The following SUSD3 variants were observed in gnomAD, a reference collection of about 807,000 sequenced individuals.
The protein encoded by SUSD3 is sushi domain-containing protein 3.
Under a neutral mutation model 20.6 loss-of-function variants are expected in SUSD3, and 18 were observed. The observed-to-expected ratio is 0.87, with a 90% CI of 0.60 to 1.30. SUSD3 has a LOEUF of 1.30. SUSD3 is among the 50% of genes most tolerant of loss of function. SUSD3 has a pLI of 0.00. For synonymous variants in SUSD3, 137 were observed against 141.5 expected, an observed-to-expected ratio of 0.97 and a Z score of 0.23; for missense variants, 306 against 346.9, an observed-to-expected ratio of 0.88 and a Z score of 0.94.
chr9:93,076,921 G>T (rs1269683864), intron 2 of SUSD3, among the ~76,000 whole-genome samples: 4 of 152,236 alleles, frequency 2.6e-5, no homozygotes, highest in African/African-American at 7.2e-5. Context: ...GGGCCAAAGA[G>T]CAGGCCCCAG....
At position 93,079,532 on chromosome 9, in the gene SUSD3, C is replaced by G; in HGVS notation, c.487C>G (p.Leu163Val). The change falls in exon 4 of 5, where the codon CTT (leucine) becomes GTT (valine). Residue 163 changes from leucine to valine, a missense_variant. Transcript: ENST00000375472. Reference sequence around the variant, plus strand: ...CTTGGAGACGGTGCAGGCCGCATACCTTGGCCTCAAGCACTTCAACAAACC... The same window carrying G: ...CTTGGAGACGGTGCAGGCCGCATACGTTGGCCTCAAGCACTTCAACAAACC... ...EDLETVQAAY[L>V]GLKHFNKPVS... is the part of the protein sequence containing the mutation. The G allele has an allele frequency of 1.2e-6, 2 of 1,614,136 alleles. No homozygotes were observed. The highest frequency in any genetic ancestry group is 1.7e-6 in the Non-Finnish European group (2 of 1,179,994).
chr9:93,075,744 C>CCA (rs1482251432), intron 1 of SUSD3, 40 bp from the exon 2 acceptor site: 4 of 175,362 alleles, frequency 2.3e-5, no homozygotes, highest in African/African-American at 1.3e-4. Flanking sequence ...GTGCCCACCC[C>CCA]CCCCCCCCCG....
intron 1 of SUSD3, among the ~76,000 whole-genome samples, chr9:93,071,946 A>G (rs1825927154): frequency 6.6e-6 from 1 of 152,134 alleles, no homozygotes; most frequent in Admixed American, 6.5e-5. Context: ...CTCCCGAAAC[A>G]GTGTGCTGGG....
intron 1 of SUSD3, among the ~76,000 whole-genome samples, chr9:93,066,005 A>G (rs753155794): frequency 6.6e-6 from 1 of 152,186 alleles, no homozygotes; most frequent in Non-Finnish European, 1.5e-5. Context: ...AGGTATGCTC[A>G]GCGTCAGCTG....
intron 1 of SUSD3, among the ~76,000 whole-genome samples, chr9:93,072,289 C>T (rs1302304884): frequency 1.3e-5 from 2 of 152,238 alleles, no homozygotes; most frequent in Non-Finnish European, 2.9e-5. Context: ...CCTGCCTCTG[C>T]ACTCTCGCCC....
chr9:93,067,178 G>A (rs1241248723), intron 1 of SUSD3, among the ~76,000 whole-genome samples: 3 of 152,164 alleles, frequency 2.0e-5, no homozygotes, highest in Non-Finnish European at 2.9e-5. Context: ...CATATGACAT[G>A]TGACCTTTTG....
At chr9:93,066,676 G>A (rs753671818) in intron 1 of SUSD3, among the ~76,000 whole-genome samples, 17 of 152,122 alleles carry the variant, frequency 1.1e-4, no homozygotes, top group Non-Finnish European at 2.4e-4. Context: ...TACATTCACA[G>A]ATATGTGCTA....
At chr9:93,077,413 G>A (rs1826208900) in intron 2 of SUSD3, among the ~76,000 whole-genome samples, 1 of 151,890 alleles carries the variant, frequency 6.6e-6, no homozygotes, top group African/African-American at 2.4e-5. Context: ...AGCCAAGGAG[G>A]CCATCACTCT....
intron 4 of SUSD3, among the ~76,000 whole-genome samples, chr9:93,082,615 C>A (rs1418036215): frequency 6.6e-6 from 1 of 152,186 alleles, no homozygotes; most frequent in Non-Finnish European, 1.5e-5. Flanking sequence ...CCGTGCCTGA[C>A]CCCCTTTCCT....
chr9:93,064,673 A>G (rs1825637765), intron 1 of SUSD3, among the ~76,000 whole-genome samples: 1 of 152,218 alleles, frequency 6.6e-6, no homozygotes. Flanking sequence ...GCTCAGCACA[A>G]CACACGGGCG....
At chr9:93,078,093 C>T (rs1192059646) in intron 3 of SUSD3, 100 bp downstream of exon 3, 2 of 1,506,682 alleles carry the variant, frequency 1.3e-6, no homozygotes, top group East Asian at 2.3e-5. Flanking sequence ...CCGGCACTGC[C>T]CTCAGGGCAC....
chr9:93,082,858 T>TGCTGCC (rs1184877925), intron 4 of SUSD3, among the ~76,000 whole-genome samples: 4 of 152,212 alleles, frequency 2.6e-5, no homozygotes, highest in African/African-American at 4.8e-5. Flanking sequence ...CAGCCACAGC[T>TGCTGCC]GCTGCCGCTG....
At chr9:93,059,150 C>T (rs1010746893) in intron 1 of SUSD3, among the ~76,000 whole-genome samples, 4 of 152,138 alleles carry the variant, frequency 2.6e-5, no homozygotes, top group East Asian at 2.0e-4. Context: ...AGGCTCCGGG[C>T]CCCTCCGCGC....
In SUSD3 at chr9:93,074,770, A is replaced by G. The variant is rs914762649; in HGVS notation, c.89-1014A>G. 5.3e-5 allele frequency among the ~76,000 whole-genome samples: 8 copies of G among 151,840 alleles called. No homozygotes were observed. The South Asian group carries it at 6.2e-4, about 12-fold the overall frequency. ...GCTGGAATTACAGGCACATGCCACC[A>G]TGCCCAGCTAATTTTTGTATTTTTA... On this transcript the variant is annotated intron_variant, in intron 1 of 4. Coordinates refer to ENST00000375472, the MANE Select transcript of SUSD3 (RefSeq NM_145006.4).
At chr9:93,061,703 C>G (rs1173512804) in intron 1 of SUSD3, among the ~76,000 whole-genome samples, 1 of 152,208 alleles carries the variant, frequency 6.6e-6, no homozygotes, top group Non-Finnish European at 1.5e-5. Flanking sequence ...CTGCCAGGGT[C>G]TTGGGGGTCC....
chr9:93,084,522 C>T lies in SUSD3; in HGVS notation c.558-15C>T. Reference sequence around the variant, plus strand: ...TCCACACTCTTTTGCCAACTCATGCCTCCTCTCTCCACAGAGACCATGGTG... The same window carrying T: ...TCCACACTCTTTTGCCAACTCATGCTTCCTCTCTCCACAGAGACCATGGTG... On this transcript the variant is annotated splice_polypyrimidine_tract_variant and intron_variant, in intron 4 of 4. Transcript: ENST00000375472. 6.4e-7 allele frequency: 1 copy of T among 1,564,572 alleles called. No homozygotes were observed. Among genetic ancestry groups the T allele is most frequent in the Middle Eastern group, 1.7e-4 (1 of 5,852 alleles).
intron 1 of SUSD3, among the ~76,000 whole-genome samples, chr9:93,067,377 T>C (rs1472630978): frequency 4.6e-5 from 7 of 152,268 alleles, no homozygotes; most frequent in Non-Finnish European, 1.0e-4. Context: ...ATAATGCTGC[T>C]GTGAACATTC....
intron 1 of SUSD3, among the ~76,000 whole-genome samples, chr9:93,059,930 T>C (rs1029206437): frequency 2.6e-4 from 40 of 152,142 alleles, no homozygotes; most frequent in Admixed American, 2.1e-3. Context: ...AGTCCCTAAT[T>C]TGGTGTTGGG....
intron 4 of SUSD3, among the ~76,000 whole-genome samples, chr9:93,084,215 C>T (rs1826546705): frequency 6.6e-6 from 1 of 152,060 alleles, no homozygotes; most frequent in South Asian, 2.1e-4. Flanking sequence ...CAGCTGGGTT[C>T]CTGGTGGTTT....
Sources: gnomAD v4.1 joint callset for allele counts (sites outside exome capture counted in the v4.1 genomes callset) on GRCh38, gnomAD v4.1.1 for gene constraint, MANE v1.5 for transcripts, NCBI Gene and HGNC (gene_info 2026-07-23, HGNC 2026-07-21) for gene names.